DMWD: variants seen among roughly 807,000 people sequenced by gnomAD.
DMWD encodes DM1 locus, WD repeat containing.
DMWD carries 19 observed loss-of-function variants against 45.8 expected under a neutral mutation model. The ratio of observed to expected loss-of-function variants is 0.41; its 90% CI spans 0.29 to 0.61. The LOEUF (loss-of-function observed/expected upper bound fraction) is 0.61. DMWD is among the 20% of genes least tolerant of loss of function. The pLI is 0.25. For synonymous variants in DMWD, 515 were observed against 440.5 expected, an observed-to-expected ratio of 1.17 and a Z score of -2.12; for missense variants, 802 against 965.2, an observed-to-expected ratio of 0.83 and a Z score of 2.24.
chr19:45,792,821 G>C lies in DMWD; in HGVS notation c.-65C>G. On this transcript the variant is annotated 5_prime_UTR_variant, in exon 1 of 5. Transcript: ENST00000270223. Reference sequence around the variant, plus strand: ...CCCGCAGCCGGGCCCCCTCCCGGAAGCCGCTGGCCCGCGCCGGAAAAGGTG... The same window carrying C: ...CCCGCAGCCGGGCCCCCTCCCGGAACCCGCTGGCCCGCGCCGGAAAAGGTG... The C allele has an allele frequency of 9.3e-7, 1 of 1,070,728 alleles. No homozygotes were observed. Among genetic ancestry groups the C allele is most frequent in the Non-Finnish European group, 1.1e-6 (1 of 885,898 alleles). The allele number at this position is 1,070,728 out of a possible 1,614,324, so 66.3% of individuals were successfully genotyped here.
chr19:45,787,675 C>G (rs1380189552), intron 2 of DMWD, among the ~76,000 whole-genome samples: 3 of 152,216 alleles, frequency 2.0e-5, no homozygotes, highest in Non-Finnish European at 2.9e-5. Context: ...GAGTGACAAC[C>G]CCCCATCCCG....
chr19:45,784,612 C>A, intron 4 of DMWD, 29 bp downstream of exon 4: 1 of 1,613,896 alleles, frequency 6.2e-7, no homozygotes, highest in Non-Finnish European at 8.5e-7. Flanking sequence ...CCCTGAGGTG[C>A]TGGGGAAAGA....
At chr19:45,789,243 G>A (rs1416976724) in intron 2 of DMWD, 1 of 152,222 alleles carries the variant, frequency 6.6e-6, no homozygotes, top group Non-Finnish European at 1.5e-5. Flanking sequence ...CAGAACGGAT[G>A]CTCAAAAACT....
In DMWD at chr19:45,792,785, C is replaced by G. The variant is rs1205787659; in HGVS notation, c.-29G>C. ...GGGCGCCCCCCGGGCCCCGCCACTGCCGGACTGCCGCCCGCAGCCGGGCCC... is the reference window on the plus strand; with the variant it reads ...GGGCGCCCCCCGGGCCCCGCCACTGGCGGACTGCCGCCCGCAGCCGGGCCC... On this transcript the variant is annotated 5_prime_UTR_variant, in exon 1 of 5. Transcript: ENST00000270223. 3.6e-6 allele frequency: 4 copies of G among 1,107,138 alleles called. No individual in the cohort carries two copies. The African/African-American group carries it at 6.7e-5, about 18-fold the overall frequency. 68.6% of individuals were successfully genotyped at this position (1,107,138 alleles called of 1,614,324 possible).
In DMWD at chr19:45,786,240, G is replaced by C; in HGVS notation, c.1256C>G (p.Ser419Cys). The C allele has an allele frequency of 6.2e-7, 1 of 1,610,360 alleles. No individual in the cohort carries two copies. The highest frequency in any genetic ancestry group is 8.5e-7 in the Non-Finnish European group (1 of 1,178,210). Reference sequence around the variant, plus strand: ...AATGGAGCCAGCCTTGGGCAGTGGAGAGAGCGGGGCGCCCCCGGCCGAGCC... The same window carrying C: ...AATGGAGCCAGCCTTGGGCAGTGGACAGAGCGGGGCGCCCCCGGCCGAGCC... ...GTGSAGGAPL[S>C]PLPKAGSITY... The change falls in exon 3 of 5, where the codon TCT becomes TGT. Residue 419 changes from serine (S) to cysteine (C), a missense_variant. Transcript: ENST00000270223.
At position 45,792,605 on chromosome 19, in the gene DMWD, T is replaced by G; in HGVS notation, c.152A>C (p.Gln51Pro). 7.6e-7 allele frequency: 1 copy of G among 1,314,524 alleles called. No individual in the cohort carries two copies. Among genetic ancestry groups the G allele is most frequent in the South Asian group, 1.7e-5 (1 of 60,356 alleles). The allele number at this position is 1,314,524 out of a possible 1,614,324, so 81.4% of individuals were successfully genotyped here. The change falls in exon 1 of 5, where the codon CAG becomes CCG. Residue 51 changes from glutamine to proline, a missense_variant. By Grantham distance (76) the Gln-to-Pro change is moderately conservative (BLOSUM62 -1). This residue lies in a region of DMWD where 151 missense variants were observed against 128.1 expected (regional missense o/e 1.18). Coordinates refer to ENST00000270223, the MANE Select transcript of DMWD (RefSeq NM_004943.2). ...AARRSGPASA[Q>P]TPVPPQPPQP... Reference sequence around the variant, plus strand: ...CGGTGGCTGAGGCGGCACCGGAGTCTGGGCGGAAGCCGGACCCGACCTGCG... The same window carrying G: ...CGGTGGCTGAGGCGGCACCGGAGTCGGGGCGGAAGCCGGACCCGACCTGCG...
chr19:45,786,185 G>A lies in DMWD; in HGVS notation c.1311C>T (p.Asp437=). ...ITYRFGSAGQ[D]TQFCLWDLTE... The stretch of plus-strand genomic sequence containing the variant: ...TGAGGTCCCACAGGCAGAACTGCGT[G>A]TCCTGGCCCGCCGAGCCAAAGCGGT... Residue 437 remains aspartate, a synonymous_variant, in exon 3 of 5, where the codon GAC becomes GAT. Transcript: ENST00000270223. 1.2e-6 allele frequency: 2 copies of A among 1,605,894 alleles called. No individual in the cohort carries two copies. Among genetic ancestry groups the A allele is most frequent in the Non-Finnish European group, 1.7e-6 (2 of 1,176,714 alleles).
At position 45,784,127 on chromosome 19, in the gene DMWD, G is replaced by A; in HGVS notation, c.*116C>T. On this transcript the variant is annotated 3_prime_UTR_variant, in exon 5 of 5. Coordinates refer to ENST00000270223, the MANE Select transcript of DMWD (RefSeq NM_004943.2). Reference sequence around the variant, plus strand: ...AAATTTTGTGCAGGTGGGGGGACTGGAGCAGTCCATCCATCATGGTTAGTC... The same window carrying A: ...AAATTTTGTGCAGGTGGGGGGACTGAAGCAGTCCATCCATCATGGTTAGTC... The A allele has an allele frequency of 1.1e-6, 1 of 940,076 alleles. No individual in the cohort carries two copies. 58.2% of individuals were successfully genotyped at this position (940,076 alleles called of 1,614,324 possible).
intron 3 of DMWD, chr19:45,785,223 A>G (rs1305045355): frequency 3.1e-5 from 32 of 1,034,666 alleles, no homozygotes; most frequent in Non-Finnish European, 3.2e-5. Context: ...TTTGGCCTGA[A>G]GTACTCAAAA....
In DMWD at chr19:45,792,778, G is replaced by C; in HGVS notation, c.-22C>G. On this transcript the variant is annotated 5_prime_UTR_variant, in exon 1 of 5. Transcript: ENST00000270223. ...CCATCTTGGGCGCCCCCCGGGCCCC[G>C]CCACTGCCGGACTGCCGCCCGCAGC... 1 of 1,113,826 alleles carries C rather than the reference G, an allele frequency of 9.0e-7. No individual in the cohort carries two copies. Among genetic ancestry groups the C allele is most frequent in the Non-Finnish European group, 1.1e-6 (1 of 912,952 alleles). 69.0% of individuals were successfully genotyped at this position (1,113,826 alleles called of 1,614,324 possible). A position where few individuals can be genotyped will look rare whatever the true frequency, so the allele number is the denominator to read the frequency against.
intron 2 of DMWD, among the ~76,000 whole-genome samples, chr19:45,787,642 T>C (rs771435330): frequency 2.0e-5 from 3 of 152,254 alleles, no homozygotes; most frequent in African/African-American, 7.2e-5. Context: ...AGGAGGCAGC[T>C]TGAAGGTAAT....
Position 45,792,575 on chromosome 19 carries a change from G to T in DMWD, c.182C>A (p.Pro61His). ...QTPVPPQPPQ[P>H]PPGPASASGP... ...GGAGGCGGAGGCAGGGCCGGGCGGG[G>T]GCTGCGGTGGCTGAGGCGGCACCGG... The change falls in exon 1 of 5, where the codon CCC becomes CAC. Residue 61 changes from proline (P) to histidine (H), a missense_variant. Physicochemically the swap from Pro to His is moderately conservative, Grantham distance 77. Transcript: ENST00000270223. 7.8e-7 allele frequency: 1 copy of T among 1,276,448 alleles called. No homozygotes were observed. The highest frequency in any genetic ancestry group is 1.0e-6 in the Non-Finnish European group (1 of 995,874). 79.1% of individuals were successfully genotyped at this position (1,276,448 alleles called of 1,614,324 possible).
In DMWD at chr19:45,783,523, C is replaced by T; in HGVS notation, c.*720G>A. On this transcript the variant is annotated 3_prime_UTR_variant, in exon 5 of 5. Transcript: ENST00000270223. ...TGCTCTTCTCCCCAAGAGGGTCCTG[C>T]TCCAGCCGCTGGTGTGGGTCACCAG... 1 of 398,652 alleles carries T rather than the reference C, an allele frequency of 2.5e-6. No individual in the cohort carries two copies. Among genetic ancestry groups the T allele is most frequent in the Admixed American group, 4.4e-5 (1 of 22,736 alleles). 24.7% of individuals were successfully genotyped at this position (398,652 alleles called of 1,614,324 possible). A position where few individuals can be genotyped will look rare whatever the true frequency, so the allele number is the denominator to read the frequency against.
chr19:45,785,914 G>C lies in DMWD; in HGVS notation c.1582C>G (p.Leu528Val). ...FSIGRFATLTLQERRDRGAEK... is the reference protein window; with the variant it reads ...FSIGRFATLTVQERRDRGAEK... ...GCCCCCCGGTCCCGCCGCTCCTGCA[G>C]TGTGAGCGTGGCGAAGCGGCCAATG... The change falls in exon 3 of 5, where the codon CTG (leucine) becomes GTG (valine). Residue 528 changes from leucine to valine, a missense_variant. Coordinates refer to ENST00000270223, the MANE Select transcript of DMWD (RefSeq NM_004943.2). 3 of 1,603,264 alleles carry C rather than the reference G, an allele frequency of 1.9e-6. No individual in the cohort carries two copies. The highest frequency in any genetic ancestry group is 2.5e-6 in the Non-Finnish European group (3 of 1,179,300).
chr19:45,785,120 G>A lies in DMWD; in HGVS notation c.1903-405C>T, dbSNP rs564480232. The stretch of plus-strand genomic sequence containing the variant: ...GAGTGGGACTGGAACCCAGGCCTGG[G>A]ATTCCCAGCCTGTGCCTTCAGCAGG... On this transcript the variant is annotated intron_variant, in intron 3 of 4. Coordinates refer to ENST00000270223, the MANE Select transcript of DMWD (RefSeq NM_004943.2). 1.5e-5 allele frequency: 15 copies of A among 1,013,278 alleles called. No homozygotes were observed. In the South Asian group the frequency reaches 4.9e-4, roughly 33 times the overall value. The allele number at this position is 1,013,278 out of a possible 1,614,324, so 62.8% of individuals were successfully genotyped here.
chr19:45,786,891 G>C lies in DMWD; in HGVS notation c.625-20C>G, dbSNP rs1423067220. The C allele has an allele frequency of 6.2e-7, 1 of 1,607,328 alleles. No individual in the cohort carries two copies. The highest frequency in any genetic ancestry group is 1.8e-4 in the Middle Eastern group (1 of 5,420). ...CAACCGCTGCCAGGGGAGACAGTGTGGGGTTGGGAGAAGGCAGTAAAACCC... is the reference window on the plus strand; with the variant it reads ...CAACCGCTGCCAGGGGAGACAGTGTCGGGTTGGGAGAAGGCAGTAAAACCC... On this transcript the variant is annotated intron_variant, in intron 2 of 4. Coordinates refer to ENST00000270223, the MANE Select transcript of DMWD (RefSeq NM_004943.2).
In DMWD at chr19:45,783,894, T is replaced by G. The variant is rs1489074195; in HGVS notation, c.*349A>C. 7.9e-6 allele frequency: 4 copies of G among 504,804 alleles called. No homozygotes were observed. Among genetic ancestry groups the G allele is most frequent in the Non-Finnish European group, 3.4e-6 (1 of 290,002 alleles). 31.3% of individuals were successfully genotyped at this position (504,804 alleles called of 1,614,324 possible). On this transcript the variant is annotated 3_prime_UTR_variant, in exon 5 of 5. Transcript: ENST00000270223. ...CCACCCCCGGCCCTGCCCACTCAACTGAGGGGCACACTGCAGACCTGGGGC... is the reference window on the plus strand; with the variant it reads ...CCACCCCCGGCCCTGCCCACTCAACGGAGGGGCACACTGCAGACCTGGGGC...
chr19:45,786,523 A>G lies in DMWD; in HGVS notation c.973T>C (p.Tyr325His). 1.2e-6 allele frequency: 2 copies of G among 1,614,052 alleles called. No individual in the cohort carries two copies. The highest frequency in any genetic ancestry group is 1.7e-6 in the Non-Finnish European group (2 of 1,179,942). Reference sequence around the variant, plus strand: ...CACACACACAGCAGGCCCCCAAAGTAGCTCTTCATGAGCCCACGCAGGAGC... The same window carrying G: ...CACACACACAGCAGGCCCCCAAAGTGGCTCTTCATGAGCCCACGCAGGAGC... ...SMLLRGLMKSYFGGLLCVCWS... is the reference protein window; with the variant it reads ...SMLLRGLMKSHFGGLLCVCWS... The change falls in exon 3 of 5, where the codon TAC becomes CAC. Residue 325 changes from tyrosine to histidine, a missense_variant. Tyr to His is a moderately conservative substitution (Grantham distance 83, BLOSUM62 2). This residue lies in a region of DMWD where 146 missense variants were observed against 212.8 expected (regional missense o/e 0.69). Coordinates refer to ENST00000270223, the MANE Select transcript of DMWD (RefSeq NM_004943.2).
Position 45,784,174 on chromosome 19 carries a change from A to G in DMWD, c.*69T>C. 5 of 1,276,136 alleles carry G rather than the reference A, an allele frequency of 3.9e-6. No individual in the cohort carries two copies. Among genetic ancestry groups the G allele is most frequent in the Non-Finnish European group, 5.5e-6 (5 of 909,290 alleles). 79.1% of individuals were successfully genotyped at this position (1,276,136 alleles called of 1,614,324 possible). On this transcript the variant is annotated 3_prime_UTR_variant, in exon 5 of 5. Transcript: ENST00000270223. Reference sequence around the variant, plus strand: ...AGTCTTGTTAATACGTTGATCTGTGAGGTCAGCAGGGAGGGTTATGGCTAG... The same window carrying G: ...AGTCTTGTTAATACGTTGATCTGTGGGGTCAGCAGGGAGGGTTATGGCTAG...
Sources: allele counts gnomAD v4.1 joint callset (sites outside exome capture counted in the v4.1 genomes callset), GRCh38; gene constraint gnomAD v4.1.1; regional missense constraint gnomAD v4.1.1; transcripts MANE v1.5; gene names NCBI Gene and HGNC (gene_info 2026-07-23, HGNC 2026-07-21).